Variants in DMD observed in about 807,000 individuals in gnomAD.
The protein encoded by DMD is mutant dystrophin.
A neutral mutation model predicts 330.1 loss-of-function variants in DMD; 63 were observed. The observed-to-expected ratio is 0.19, with a 90% CI of 0.16 to 0.24. DMD has a LOEUF of 0.24. Among genes scored for constraint, DMD ranks in the 10% least tolerant of loss-of-function variants. DMD has a pLI of 1.00. For missense variants in DMD, 3,344 were observed against 2,684.1 expected, an observed-to-expected ratio of 1.25 and a Z score of -5.43; for synonymous variants, 1,223 against 959.8, an observed-to-expected ratio of 1.27 and a Z score of -5.07.
chrX:32,654,964 A>G (rs2060452315), intron 9 of DMD, among the ~76,000 whole-genome samples: 1 of 111,781 alleles, frequency 8.9e-6, no homozygotes. Context: ...CTCTGATGGT[A>G]GTTTGAATTT....
intron 7 of DMD, among the ~76,000 whole-genome samples, chrX:32,735,002 A>G (rs1007458160): frequency 1.4e-4 from 15 of 111,088 alleles, no homozygotes; most frequent in Non-Finnish European, 2.8e-4. Flanking sequence ...ACATGATTGT[A>G]TATCTAGAAA....
At chrX:32,658,206 T>A (rs2060711257) in intron 9 of DMD, among the ~76,000 whole-genome samples, 1 of 111,497 alleles carries the variant, frequency 9.0e-6, no homozygotes, top group Non-Finnish European at 1.9e-5. Context: ...TATGTACTCA[T>A]TTATTCCACA....
chrX:31,361,205 G>C (rs1336857301), intron 60 of DMD, among the ~76,000 whole-genome samples: 1 of 109,114 alleles, frequency 9.2e-6, no homozygotes, highest in Non-Finnish European at 1.9e-5. Context: ...CTTTTTTATA[G>C]TAAATACTTG....
At chrX:32,835,829 A>C (rs1328724942) in intron 4 of DMD, among the ~76,000 whole-genome samples, 3 of 111,551 alleles carry the variant, frequency 2.7e-5, no homozygotes, top group African/African-American at 9.8e-5. Flanking sequence ...CCTTGACTTA[A>C]TGATCCAGAA....
chrX:32,106,775 C>A (rs1193194788), intron 44 of DMD, among the ~76,000 whole-genome samples: 1 of 111,820 alleles, frequency 8.9e-6, no homozygotes, highest in Non-Finnish European at 1.9e-5. Flanking sequence ...GGGATTTCTT[C>A]TTGTTCTACC....
intron 70 of DMD, 90 bp from the exon 71 acceptor site, chrX:31,178,060 GCCAATT>G (rs2040729196): frequency 9.1e-7 from 1 of 1,094,779 alleles, no homozygotes; most frequent in Non-Finnish European, 1.2e-6. Flanking sequence ...ATAAAATCCA[GCCAATT>G]AAGTATGAAC....
intron 1 of DMD, among the ~76,000 whole-genome samples, chrX:33,260,607 T>C (rs975686377): frequency 6.3e-5 from 7 of 111,535 alleles, no homozygotes; most frequent in Non-Finnish European, 1.3e-4. Context: ...TTTACATAAA[T>C]ATTATTAGGA....
chrX:33,271,327 A>T (rs930845311), intron 1 of DMD, among the ~76,000 whole-genome samples: 2 of 110,382 alleles, frequency 1.8e-5, no homozygotes, highest in Non-Finnish European at 3.8e-5. Flanking sequence ...AAAATTAATG[A>T]TCCTTAATTT....
intron 51 of DMD, among the ~76,000 whole-genome samples, chrX:31,734,840 T>C (rs1307608875): frequency 8.9e-6 from 1 of 111,974 alleles, no homozygotes; most frequent in South Asian, 3.7e-4. Flanking sequence ...CCAAAGACTG[T>C]CTTCTGAAGG....
At chrX:31,156,862 G>A (rs927257862) in intron 74 of DMD, among the ~76,000 whole-genome samples, 2 of 111,703 alleles carry the variant, frequency 1.8e-5, no homozygotes, top group Non-Finnish European at 3.8e-5. Flanking sequence ...CGCTTAGAAA[G>A]TGACTAATCA....
intron 74 of DMD, among the ~76,000 whole-genome samples, chrX:31,168,146 T>C (rs1397077861): frequency 9.0e-6 from 1 of 111,688 alleles, no homozygotes; most frequent in African/African-American, 3.3e-5. Flanking sequence ...AAGCTTGAGC[T>C]TGACCCCAAA....
intron 1 of DMD, among the ~76,000 whole-genome samples, chrX:33,023,571 T>A (rs111583010): frequency 1.8e-5 from 2 of 111,825 alleles, no homozygotes; most frequent in African/African-American, 6.5e-5. Context: ...CATAATTAAT[T>A]TGATTACTAA....
At chrX:32,527,404 G>A (rs1283065032) in intron 17 of DMD, among the ~76,000 whole-genome samples, 1 of 110,543 alleles carries the variant, frequency 9.0e-6, no homozygotes, top group African/African-American at 3.3e-5. Flanking sequence ...TTACTATACA[G>A]GCACTTTCCT....
At chrX:32,825,581 G>T (rs1450851116) in intron 4 of DMD, among the ~76,000 whole-genome samples, 1 of 112,088 alleles carries the variant, frequency 8.9e-6, no homozygotes, top group African/African-American at 3.2e-5. Flanking sequence ...AATTATCATA[G>T]TAACATTATT....
intron 11 of DMD, among the ~76,000 whole-genome samples, chrX:32,631,600 C>T (rs2058733367): frequency 9.0e-6 from 1 of 111,685 alleles, no homozygotes; most frequent in African/African-American, 3.3e-5. Flanking sequence ...CTGGCATCTG[C>T]TCTGCTTCTG....
intron 36 of DMD, 135 bp from the exon 37 acceptor site, chrX:32,363,093 T>A: frequency 1.6e-6 from 1 of 621,042 alleles, no homozygotes; most frequent in Non-Finnish European, 2.5e-6. Context: ...AGTAAGAAAA[T>A]GAGAGCAAGC....
chrX:32,461,764 G>T (rs2098384170), intron 25 of DMD, among the ~76,000 whole-genome samples: 1 of 109,578 alleles, frequency 9.1e-6, no homozygotes, highest in Non-Finnish European at 1.9e-5. Flanking sequence ...TTTCACACTG[G>T]CCTTCCAGGA....
chrX:31,361,770 CTTTTT>C (rs1174751121), intron 60 of DMD, among the ~76,000 whole-genome samples: 15 of 93,452 alleles, frequency 1.6e-4, no homozygotes, highest in Non-Finnish European at 1.9e-4. Context: ...CTCTTACCAT[CTTTTT>C]TTTTTTTTTT....
At chrX:31,133,951 C>T (rs937418146) in intron 77 of DMD, 151 bp downstream of exon 77, 1 of 518,005 alleles carries the variant, frequency 1.9e-6, no homozygotes, top group African/African-American at 2.3e-5. Context: ...CAAATTCACA[C>T]TTAAAAATCA....
Sources: allele counts gnomAD v4.1 joint callset (sites outside exome capture counted in the v4.1 genomes callset), GRCh38; gene constraint gnomAD v4.1.1; transcripts MANE v1.5; gene names NCBI Gene and HGNC (gene_info 2026-07-23, HGNC 2026-07-21).